Variants in SPOCK1 observed in about 807,000 individuals in gnomAD.
SPOCK1 encodes testican-1.
A neutral mutation model predicts 55.3 loss-of-function variants in SPOCK1; 23 were observed. The observed-to-expected ratio is 0.42, with a 90% CI of 0.30 to 0.59. The LOEUF (loss-of-function observed/expected upper bound fraction) is 0.59, where lower values mean the gene tolerates loss of function less well. Ranked by LOEUF, SPOCK1 falls within the 20% of genes least tolerant of loss-of-function variation. SPOCK1 has a pLI of 0.22. For missense variants in SPOCK1, 499 were observed against 552.5 expected (o/e 0.90, Z 0.97); for synonymous variants, 226 against 221.0 (o/e 1.02, Z -0.20).
At chr5:137,305,727 A>T (rs1460263526) in intron 2 of SPOCK1, among the ~76,000 whole-genome samples, 1 of 152,164 alleles carries the variant, frequency 6.6e-6, no homozygotes, top group African/African-American at 2.4e-5. Context: ...GCTCAACTCC[A>T]GTTCCTCCGT....
At chr5:137,247,204 G>A (rs573528943) in intron 3 of SPOCK1, among the ~76,000 whole-genome samples, 1 of 152,326 alleles carries the variant, frequency 6.6e-6, no homozygotes, top group East Asian at 1.9e-4. Context: ...GGAAAGGGCA[G>A]AGGAGGGCAC....
At chr5:137,443,996 AG>A (rs1347164575) in intron 2 of SPOCK1, among the ~76,000 whole-genome samples, 8 of 152,338 alleles carry the variant, frequency 5.3e-5, no homozygotes, top group Non-Finnish European at 8.8e-5. Context: ...TCATTGTACC[AG>A]GATAACAGGC....
At chr5:137,225,973 G>A (rs867430080) in intron 3 of SPOCK1, among the ~76,000 whole-genome samples, 1 of 152,190 alleles carries the variant, frequency 6.6e-6, no homozygotes, top group African/African-American at 2.4e-5. Context: ...CCCACTTGGA[G>A]CACGCCTCAC....
chr5:137,320,442 G>A (rs1215597348), intron 2 of SPOCK1, among the ~76,000 whole-genome samples: 1 of 152,206 alleles, frequency 6.6e-6, no homozygotes, highest in Non-Finnish European at 1.5e-5. Context: ...GGGAAAGGAA[G>A]GGTGGAATGT....
At chr5:137,217,274 G>A (rs556696657) in intron 3 of SPOCK1, among the ~76,000 whole-genome samples, 59 of 152,334 alleles carry the variant, frequency 3.9e-4, no homozygotes, top group Non-Finnish European at 7.1e-4. Context: ...TAGGAGCACT[G>A]AGAGAGCACC....
chr5:137,498,081 T>C (rs575179555), intron 2 of SPOCK1, among the ~76,000 whole-genome samples: 1 of 152,214 alleles, frequency 6.6e-6, no homozygotes, highest in African/African-American at 2.4e-5. Flanking sequence ...CTACTGGTGA[T>C]CTGTGCTGTA....
At chr5:137,297,126 AGAGG>A (rs1333598525) in intron 2 of SPOCK1, among the ~76,000 whole-genome samples, 6 of 152,214 alleles carry the variant, frequency 3.9e-5, no homozygotes, top group African/African-American at 1.4e-4. Flanking sequence ...CTTCAATTAA[AGAGG>A]GATGTATATA....
rs943393748 is a variant in SPOCK1 at position 136,976,744 on chromosome 5, G to A, written c.*1910C>T. 1.3e-5 allele frequency: 2 copies of A among 152,296 alleles called. No individual in the cohort carries two copies. Among genetic ancestry groups the A allele is most frequent in the African/African-American group, 4.8e-5 (2 of 41,432 alleles). The allele number at this position is 152,296 out of a possible 1,614,324, so 9.4% of individuals were successfully genotyped here. On this transcript the variant is annotated 3_prime_UTR_variant, in exon 11 of 11. Coordinates refer to ENST00000394945, the MANE Select transcript of SPOCK1 (RefSeq NM_004598.4). ...GTTTGCCTATGGTCTGTCTTCCTATGGGGAAAGTAAGTACAAAACCTCAGG... is the reference window on the plus strand; with the variant it reads ...GTTTGCCTATGGTCTGTCTTCCTATAGGGAAAGTAAGTACAAAACCTCAGG...
intron 6 of SPOCK1, among the ~76,000 whole-genome samples, chr5:137,001,486 A>G (rs1751148343): frequency 1.3e-5 from 2 of 152,170 alleles, no homozygotes; most frequent in Non-Finnish European, 2.9e-5. Context: ...AGCTCTCTCA[A>G]CTAGAGTTTC....
At chr5:137,122,865 A>C (rs1457557773) in intron 4 of SPOCK1, among the ~76,000 whole-genome samples, 6 of 152,252 alleles carry the variant, frequency 3.9e-5, no homozygotes, top group African/African-American at 1.4e-4. Flanking sequence ...TTATCATGGG[A>C]TGTGCCCATG....
chr5:137,012,219 T>C (rs1220258335), intron 6 of SPOCK1, among the ~76,000 whole-genome samples: 2 of 152,148 alleles, frequency 1.3e-5, no homozygotes, highest in Admixed American at 6.6e-5. Flanking sequence ...CATGTCTAAG[T>C]CAAGGAGCTA....
intron 6 of SPOCK1, among the ~76,000 whole-genome samples, chr5:137,017,531 T>C (rs1398566707): frequency 6.6e-6 from 1 of 152,222 alleles, no homozygotes; most frequent in African/African-American, 2.4e-5. Flanking sequence ...TGCAAGATTC[T>C]TTAGACAGAA....
chr5:137,293,351 C>T (rs1043111920), intron 2 of SPOCK1, among the ~76,000 whole-genome samples: 14 of 152,254 alleles, frequency 9.2e-5, no homozygotes, highest in Admixed American at 9.2e-4. Context: ...AAGCAATATG[C>T]AATTAGTACT....
At chr5:137,156,738 C>T (rs540598530) in intron 3 of SPOCK1, among the ~76,000 whole-genome samples, 1 of 152,272 alleles carries the variant, frequency 6.6e-6, no homozygotes, top group South Asian at 2.1e-4. Flanking sequence ...CCTTCATCCT[C>T]ATTCTATAGC....
chr5:137,166,414 C>T (rs542883756), intron 3 of SPOCK1, among the ~76,000 whole-genome samples: 6 of 150,984 alleles, frequency 4.0e-5, no homozygotes, highest in South Asian at 2.1e-4. Context: ...ACAAGAAATG[C>T]TAAAGGGAGT....
chr5:137,426,170 A>G (rs1752606663), intron 2 of SPOCK1, among the ~76,000 whole-genome samples: 1 of 152,202 alleles, frequency 6.6e-6, no homozygotes, highest in Admixed American at 6.5e-5. Flanking sequence ...AGTACTGCAC[A>G]GTTCATATGC....
At chr5:137,376,469 A>G (rs1477172218) in intron 2 of SPOCK1, among the ~76,000 whole-genome samples, 3 of 152,204 alleles carry the variant, frequency 2.0e-5, no homozygotes, top group Admixed American at 6.5e-5. Context: ...TTTGATCACA[A>G]TTGCACTCTG....
rs10065510 is a variant in SPOCK1, at chr5:137,340,229, C to T, written c.187-73174G>A. 7.6e-3 allele frequency among the ~76,000 whole-genome samples: 1,161 copies of T among 152,258 alleles called. 13 individuals carry two copies. The highest frequency in any genetic ancestry group is 0.027 in the African/African-American group (1,113 of 41,536). Reference sequence around the variant, plus strand: ...GGGGAACTGGAACAGTTGGATGACACGCCCTCTTCCACTGCACAGGTGCAA... The same window carrying T: ...GGGGAACTGGAACAGTTGGATGACATGCCCTCTTCCACTGCACAGGTGCAA... On this transcript the variant is annotated intron_variant, in intron 2 of 10. Transcript: ENST00000394945.
At chr5:137,064,495 C>A (rs1014629181) in intron 6 of SPOCK1, among the ~76,000 whole-genome samples, 1 of 152,186 alleles carries the variant, frequency 6.6e-6, no homozygotes, top group Non-Finnish European at 1.5e-5. Flanking sequence ...CGGTCCAGAG[C>A]CACAATGTGT....
Sources: gnomAD v4.1 joint callset for allele counts (sites outside exome capture counted in the v4.1 genomes callset) on GRCh38, gnomAD v4.1.1 for gene constraint, MANE v1.5 for transcripts, NCBI Gene and HGNC (gene_info 2026-07-23, HGNC 2026-07-21) for gene names.